The following NUP210L variants were observed in gnomAD, a reference collection of about 807,000 sequenced individuals.
NUP210L encodes the protein nucleoporin 210 like.
A neutral mutation model predicts 208.5 loss-of-function variants in NUP210L; 74 were observed. The observed-to-expected ratio is 0.35, with a 90% confidence interval of 0.29 to 0.43. NUP210L has a LOEUF of 0.43. Among genes scored for constraint, NUP210L ranks in the 20% least tolerant of loss-of-function variants. NUP210L has a pLI of 1.00. For missense variants in NUP210L, 1,843 were observed against 2,289.4 expected (o/e 0.81, Z 3.98); for synonymous variants, 780 against 816.9 (o/e 0.95, Z 0.77).
chr1:154,098,284 C>T (rs1329241337), intron 14 of NUP210L, among the ~76,000 whole-genome samples: 1 of 152,204 alleles, frequency 6.6e-6, no homozygotes, highest in Non-Finnish European at 1.5e-5. Flanking sequence ...TGGGGAGCTC[C>T]CAGGTCTCGG....
chr1:154,006,919 C>T (rs1439562366), intron 35 of NUP210L, among the ~76,000 whole-genome samples: 1 of 122,588 alleles, frequency 8.2e-6, no homozygotes, highest in Non-Finnish European at 1.7e-5. Flanking sequence ...CACATATACA[C>T]ATATGTCTGT....
At chr1:154,054,785 T>G in exon 24 of NUP210L, 2 of 1,613,096 alleles carry the variant, frequency 1.2e-6, no homozygotes, top group Admixed American at 3.3e-5. Flanking sequence ...TCATATTCAT[T>G]GGAATCAGTG....
rs1434093544 is a variant in NUP210L, at chr1:154,140,666, C to CAAAAAAAAAAAAAAAAAAAAA, written c.567-715_567-714insTTTTTTTTTTTTTTTTTTTTT. ...TGAGTGACAGAGCAAGACTCCATCT[C>CAAAAAAAAAAAAAAAAAAAAA]AAAAAAAAAAACAGAAAAAGAAAAG... On this transcript the variant is annotated intron_variant, in intron 4 of 39. Coordinates refer to ENST00000368559, the Ensembl canonical transcript of NUP210L. 1.7e-4 allele frequency among the ~76,000 whole-genome samples: 17 copies of CAAAAAAAAAAAAAAAAAAAAA among 102,466 alleles called. 1 individual carries two copies. The highest frequency in any genetic ancestry group is 2.4e-4 in the Non-Finnish European group (11 of 45,232). 67.2% of individuals were successfully genotyped at this position (102,466 alleles called of 152,430 possible).
intron 16 of NUP210L, among the ~76,000 whole-genome samples, chr1:154,084,325 C>CCT (rs1003715462): frequency 1.1e-4 from 17 of 151,682 alleles, no homozygotes; most frequent in African/African-American, 4.1e-4. Flanking sequence ...GATTCTCATA[C>CCT]CTCAGCCCCC....
intron 16 of NUP210L, among the ~76,000 whole-genome samples, chr1:154,078,579 A>G (rs1283543078): frequency 6.6e-6 from 1 of 151,428 alleles, no homozygotes; most frequent in Non-Finnish European, 1.5e-5. Flanking sequence ...TGGGCAACGA[A>G]GTGAGAATCT....
chr1:154,138,116 C>T, exon 6 of NUP210L: 1 of 1,504,972 alleles, frequency 6.6e-7, no homozygotes, highest in Middle Eastern at 1.8e-4. Context: ...CTGTCACTCT[C>T]CCTTGAACCA....
chr1:154,036,742 T>C (rs1660214948), intron 27 of NUP210L, among the ~76,000 whole-genome samples: 1 of 152,106 alleles, frequency 6.6e-6, no homozygotes, highest in South Asian at 2.1e-4. Flanking sequence ...TATAGCTCAC[T>C]GCTGGCTTGA....
chr1:154,044,884 T>A (rs563517697), intron 27 of NUP210L, among the ~76,000 whole-genome samples: 2 of 152,296 alleles, frequency 1.3e-5, no homozygotes, highest in East Asian at 3.9e-4. Context: ...AACTTGCTTT[T>A]TTTTTGTCTT....
intron 2 of NUP210L, among the ~76,000 whole-genome samples, chr1:154,145,017 C>T (rs1397948184): frequency 1.3e-5 from 2 of 148,214 alleles, no homozygotes; most frequent in Non-Finnish European, 3.0e-5. Flanking sequence ...CTGAGGCAAA[C>T]GAATTGCTTG....
At chr1:154,113,524 CA>C (rs1657152662) in intron 12 of NUP210L, among the ~76,000 whole-genome samples, 1 of 151,784 alleles carries the variant, frequency 6.6e-6, no homozygotes, top group African/African-American at 2.4e-5. Flanking sequence ...ATAACAACCA[CA>C]AAAAAGAATA....
At chr1:154,004,148 A>C (rs1289563088) in intron 35 of NUP210L, among the ~76,000 whole-genome samples, 1 of 149,560 alleles carries the variant, frequency 6.7e-6, no homozygotes, top group Non-Finnish European at 1.5e-5. Context: ...GGCTCACTGC[A>C]AACTCCGCCT....
intron 27 of NUP210L, 78 bp from the exon 28 acceptor site, chr1:154,030,132 A>G (rs1212507068): frequency 1.9e-6 from 2 of 1,041,382 alleles, no homozygotes; most frequent in Non-Finnish European, 2.6e-6. Context: ...CTTTTTTAAT[A>G]TTAAATTTTT....
intron 13 of NUP210L, among the ~76,000 whole-genome samples, 188 bp from the exon 14 acceptor site, chr1:154,100,331 G>A (rs1256132332): frequency 6.6e-6 from 1 of 151,210 alleles, no homozygotes; most frequent in Admixed American, 6.6e-5. Context: ...TGCACCTGTA[G>A]TCCCAGTTAC....
intron 27 of NUP210L, among the ~76,000 whole-genome samples, chr1:154,034,843 C>CT (rs35524701): frequency 0.014 from 1,871 of 136,174 alleles, 23 homozygotes; most frequent in African/African-American, 0.029. Flanking sequence ...CTCTCTCTCT[C>CT]TTTTTTTTTT....
intron 29 of NUP210L, among the ~76,000 whole-genome samples, chr1:154,026,590 C>T (rs1651888440): frequency 2.0e-5 from 3 of 152,062 alleles, no homozygotes; most frequent in Non-Finnish European, 4.4e-5. Context: ...TCAGGTGATC[C>T]ACCTGCATTG....
chr1:154,068,050 C>T (rs530905375), intron 17 of NUP210L, among the ~76,000 whole-genome samples: 1 of 152,192 alleles, frequency 6.6e-6, no homozygotes, highest in African/African-American at 2.4e-5. Context: ...AATGCCATCC[C>T]CATCAAGCTA....
At chr1:154,139,940 G>A (rs1295583333) in exon 5 of NUP210L, 1 of 1,608,070 alleles carries the variant, frequency 6.2e-7, no homozygotes, top group Middle Eastern at 1.7e-4. Flanking sequence ...CTGCTTCGGA[G>A]TATTTAAGAA....
chr1:154,141,370 G>A (rs2148144753), intron 4 of NUP210L, 61 bp downstream of exon 4: 3 of 1,039,372 alleles, frequency 2.9e-6, no homozygotes, highest in Admixed American at 3.4e-5. Context: ...TGTTCAGCAT[G>A]CCGCTTAATG....
chr1:154,079,240 T>C (rs943600411), intron 16 of NUP210L, among the ~76,000 whole-genome samples: 5 of 152,012 alleles, frequency 3.3e-5, no homozygotes, highest in Admixed American at 6.6e-5. Flanking sequence ...GTCTGGGAGA[T>C]AGAGTGAAAA....
Sources: allele counts gnomAD v4.1 joint callset (sites outside exome capture counted in the v4.1 genomes callset), GRCh38; gene constraint gnomAD v4.1.1; transcripts MANE v1.5; gene names NCBI Gene and HGNC (gene_info 2026-07-23, HGNC 2026-07-21).